DIAPH3: variants seen among roughly 807,000 people sequenced by gnomAD.
The protein encoded by DIAPH3 is diaphanous related formin 3, also known as protein diaphanous homolog 3.
Under a neutral mutation model 144.3 loss-of-function variants are expected in DIAPH3, and 117 were observed. The ratio of observed to expected loss-of-function variants is 0.81; its 90% CI spans 0.70 to 0.95. The LOEUF (loss-of-function observed/expected upper bound fraction) is 0.95, where lower values mean the gene tolerates loss of function less well. Among genes scored for constraint, DIAPH3 ranks in the 40% least tolerant of loss-of-function variants. DIAPH3 has a pLI of 0.00. For synonymous variants in DIAPH3, 519 were observed against 488.9 expected (o/e 1.06, Z -0.81); for missense variants, 1,421 against 1,412.7 (o/e 1.01, Z -0.09).
chr13:60,017,845 G>A (rs2053758893), intron 5 of DIAPH3, among the ~76,000 whole-genome samples: 1 of 152,132 alleles, frequency 6.6e-6, no homozygotes, highest in South Asian at 2.1e-4. Flanking sequence ...TTAAACAGAG[G>A]TTGTTTTCAA....
At chr13:59,683,109 T>C (rs2033030710) in intron 27 of DIAPH3, among the ~76,000 whole-genome samples, 1 of 152,204 alleles carries the variant, frequency 6.6e-6, no homozygotes, top group African/African-American at 2.4e-5. Flanking sequence ...GTTTCAGGGA[T>C]ATGGCAGAGA....
At chr13:59,931,519 T>C (rs1594034873) in intron 17 of DIAPH3, among the ~76,000 whole-genome samples, 3 of 152,216 alleles carry the variant, frequency 2.0e-5, no homozygotes, top group African/African-American at 7.2e-5. Flanking sequence ...AAATTTGATA[T>C]TGTCCCTCTT....
intron 4 of DIAPH3, among the ~76,000 whole-genome samples, chr13:60,061,194 CAG>C (rs1321817870): frequency 6.6e-6 from 1 of 152,020 alleles, no homozygotes. Flanking sequence ...TGGGCCACGG[CAG>C]AGTCAGGTGG....
chr13:60,085,289 T>C (rs1000713034), intron 4 of DIAPH3, among the ~76,000 whole-genome samples: 1 of 152,138 alleles, frequency 6.6e-6, no homozygotes, highest in African/African-American at 2.4e-5. Context: ...GTTATGCATA[T>C]GGCAAACTAT....
intron 4 of DIAPH3, among the ~76,000 whole-genome samples, chr13:60,070,287 T>A (rs558559131): frequency 6.6e-6 from 1 of 151,958 alleles, no homozygotes; most frequent in African/African-American, 2.4e-5. Flanking sequence ...GTTGGATTTT[T>A]TTTTTTTTTT....
chr13:59,708,838 T>A (rs926449044), intron 27 of DIAPH3, among the ~76,000 whole-genome samples: 5 of 152,004 alleles, frequency 3.3e-5, no homozygotes, highest in Non-Finnish European at 5.9e-5. Flanking sequence ...ATAATAATAA[T>A]AAATATATTT....
intron 4 of DIAPH3, among the ~76,000 whole-genome samples, chr13:60,093,088 G>A (rs2058003799): frequency 6.6e-6 from 1 of 152,104 alleles, no homozygotes; most frequent in South Asian, 2.1e-4. Flanking sequence ...GCCAGTCATG[G>A]TTTCTTAGAC....
intron 20 of DIAPH3, among the ~76,000 whole-genome samples, chr13:59,879,800 C>T (rs1437671011): frequency 6.6e-6 from 1 of 152,094 alleles, no homozygotes; most frequent in Admixed American, 6.6e-5. Context: ...ACAAGGCATT[C>T]ATGTCATTAT....
At chr13:60,142,307 A>G (rs1218513860) in intron 1 of DIAPH3, among the ~76,000 whole-genome samples, 3 of 152,192 alleles carry the variant, frequency 2.0e-5, no homozygotes, top group African/African-American at 7.2e-5. Flanking sequence ...TGGCTTAGTT[A>G]TGCTTCCAGG....
chr13:60,108,363 C>G (rs984472967), intron 3 of DIAPH3, among the ~76,000 whole-genome samples: 1 of 152,120 alleles, frequency 6.6e-6, no homozygotes, highest in African/African-American at 2.4e-5. Flanking sequence ...AATCCCAGCA[C>G]TTTGGGAGGC....
chr13:60,116,850 C>A (rs1347984407), intron 2 of DIAPH3, among the ~76,000 whole-genome samples: 1 of 151,902 alleles, frequency 6.6e-6, no homozygotes, highest in African/African-American at 2.4e-5. Flanking sequence ...TAAAAATTAA[C>A]AATATTTTTA....
intron 12 of DIAPH3, among the ~76,000 whole-genome samples, chr13:59,987,201 C>T (rs2051454256): frequency 6.6e-6 from 1 of 151,678 alleles, no homozygotes; most frequent in African/African-American, 2.4e-5. Flanking sequence ...TGGAAATCAT[C>T]ATTCTCAGTA....
At chr13:59,707,256 G>A (rs2034482656) in intron 27 of DIAPH3, among the ~76,000 whole-genome samples, 1 of 152,126 alleles carries the variant, frequency 6.6e-6, no homozygotes, top group South Asian at 2.1e-4. Flanking sequence ...ACAATACCTT[G>A]AGGGGAAAAG....
At chr13:59,984,716 A>T (rs1003161346) in intron 12 of DIAPH3, among the ~76,000 whole-genome samples, 13 of 140,242 alleles carry the variant, frequency 9.3e-5, no homozygotes, top group Admixed American at 3.0e-4. Context: ...AAACTAGAAA[A>T]TCTAGAAGAA....
chr13:60,044,487 G>A (rs993855596), intron 4 of DIAPH3: 10 of 152,068 alleles, frequency 6.6e-5, no homozygotes, highest in Non-Finnish European at 1.2e-4. Flanking sequence ...TATTTTTACC[G>A]CAGTCACTGA....
At chr13:59,770,905 A>T (rs369307273) in intron 27 of DIAPH3, among the ~76,000 whole-genome samples, 1 of 152,184 alleles carries the variant, frequency 6.6e-6, no homozygotes, top group African/African-American at 2.4e-5. Flanking sequence ...GATTTAGCAC[A>T]TACTTCATTT....
chr13:60,055,144 CA>C (rs1231590588), intron 4 of DIAPH3, among the ~76,000 whole-genome samples: 2 of 151,312 alleles, frequency 1.3e-5, no homozygotes, highest in African/African-American at 2.4e-5. Flanking sequence ...ATATTTTACC[CA>C]AAAAAAAGAT....
chr13:60,103,168 A>G (rs1402748831), intron 3 of DIAPH3, among the ~76,000 whole-genome samples: 1 of 152,024 alleles, frequency 6.6e-6, no homozygotes, highest in Non-Finnish European at 1.5e-5. Context: ...GTGGGGGGGA[A>G]ATATGTAACT....
intron 24 of DIAPH3, among the ~76,000 whole-genome samples, chr13:59,811,877 G>A (rs564259758): frequency 2.6e-5 from 4 of 151,536 alleles, no homozygotes; most frequent in South Asian, 4.2e-4. Flanking sequence ...TATTTCTTAA[G>A]TGTTATACAC....
Sources: allele counts gnomAD v4.1 joint callset (sites outside exome capture counted in the v4.1 genomes callset), GRCh38; gene constraint gnomAD v4.1.1; transcripts MANE v1.5; gene names NCBI Gene and HGNC (gene_info 2026-07-23, HGNC 2026-07-21).